The following SCG3 variants were observed in gnomAD, a reference collection of about 807,000 sequenced individuals.
SCG3 encodes the protein secretogranin-3.
Under a neutral mutation model 56.2 loss-of-function variants are expected in SCG3, and 38 were observed. The observed-to-expected ratio is 0.68, with a 90% confidence interval of 0.52 to 0.89. The LOEUF (loss-of-function observed/expected upper bound fraction) is 0.89. SCG3 is among the 40% of genes least tolerant of loss of function. The pLI, the probability that SCG3 is intolerant of heterozygous loss-of-function variation, is 0.00. For synonymous variants in SCG3, 176 were observed against 184.2 expected, an observed-to-expected ratio of 0.96 and a Z score of 0.36; for missense variants, 524 against 540.7, an observed-to-expected ratio of 0.97 and a Z score of 0.31.
In SCG3 at chr15:51,701,818, A is replaced by G. The variant is rs115481793; in HGVS notation, c.1207+574A>G. ...CTGCTCAGGAGGCTGAGGTGGGAGG[A>G]TCTCTTGAGTTCAGGACGTGGAGGC... On this transcript the variant is annotated intron_variant, in intron 10 of 11. Transcript: ENST00000220478. 1.8e-3 allele frequency among the ~76,000 whole-genome samples: 279 copies of G among 152,140 alleles called. 1 individual carries two copies. The highest frequency in any genetic ancestry group is 6.7e-3 in the African/African-American group (276 of 41,494).
At chr15:51,718,149 G>A (rs561763283) in intron 11 of SCG3, among the ~76,000 whole-genome samples, 5 of 152,178 alleles carry the variant, frequency 3.3e-5, no homozygotes, top group South Asian at 4.1e-4. Flanking sequence ...AATCATGGAC[G>A]AAAACCTATA....
Position 51,683,103 on chromosome 15 carries a change from A to G in SCG3, c.160A>G (p.Ile54Val). Reference protein sequence around the residue: ...EQIAEAEEDKIKKTYPPENKP... With the variant: ...EQIAEAEEDKVKKTYPPENKP... ...GATTGCTGAAGCAGAAGAAGACAAG[A>G]TTAAAAAAACATATCCTCCAGGTAA... Residue 54 changes from isoleucine (I) to valine (V), a missense_variant, in exon 3 of 12, where the codon ATT (isoleucine) becomes GTT (valine). Physicochemically the swap from Ile to Val is conservative, Grantham distance 29 (BLOSUM62 3). Transcript: ENST00000220478. The G allele has an allele frequency of 6.2e-7, 1 of 1,610,622 alleles. No homozygotes were observed. Among genetic ancestry groups the G allele is most frequent in the Non-Finnish European group, 8.5e-7 (1 of 1,178,786 alleles).
chr15:51,710,705 G>T (rs1205484833), intron 10 of SCG3, among the ~76,000 whole-genome samples: 1 of 149,630 alleles, frequency 6.7e-6, no homozygotes, highest in East Asian at 2.0e-4. Context: ...TCCCACCTCA[G>T]CCTCCTAATA....
intron 10 of SCG3, among the ~76,000 whole-genome samples, chr15:51,708,857 T>TA (rs371874379): frequency 0.19 from 27,359 of 144,806 alleles, 2,772 homozygotes; most frequent in Non-Finnish European, 0.24. Flanking sequence ...AGACTCCATC[T>TA]AAAAAAAAAA....
In SCG3 at chr15:51,701,209, A is replaced by C. The variant is rs1429500399; in HGVS notation, c.1172A>C (p.Asn391Thr). ...GSLKDSTKDD[N>T]SNPGGKTDEP... ...TTGAAGGATTCCACAAAAGATGATA[A>C]CTCCAACCCAGGAGGAAAGACAGAT... The change falls in exon 10 of 12, where the codon AAC becomes ACC. Residue 391 changes from asparagine to threonine, a missense_variant. Asn to Thr is a moderately conservative substitution (Grantham distance 65). Coordinates refer to ENST00000220478, the MANE Select transcript of SCG3 (RefSeq NM_013243.4). 1 of 1,608,912 alleles carries C rather than the reference A, an allele frequency of 6.2e-7. No individual in the cohort carries two copies. Among genetic ancestry groups the C allele is most frequent in the African/African-American group, 1.3e-5 (1 of 74,418 alleles).
At chr15:51,700,094 C>T (rs1166336787) in intron 9 of SCG3, among the ~76,000 whole-genome samples, 1 of 152,278 alleles carries the variant, frequency 6.6e-6, no homozygotes, top group Non-Finnish European at 1.5e-5. Context: ...AAATTATATA[C>T]ATATTCTTGA....
Position 51,689,375 on chromosome 15 carries a change from A to T in SCG3, c.690+7A>T. On this transcript the variant is annotated splice_region_variant and intron_variant, in intron 6 of 11. Coordinates refer to ENST00000220478, the MANE Select transcript of SCG3 (RefSeq NM_013243.4). ...AAAAATACCAGAGAAAGTGGTATGT[A>T]TGTGTATATATGCATATGCATGGGG... The T allele has an allele frequency of 6.2e-7, 1 of 1,605,640 alleles. No homozygotes were observed. The highest frequency in any genetic ancestry group is 8.5e-7 in the Non-Finnish European group (1 of 1,175,894).
intron 10 of SCG3, among the ~76,000 whole-genome samples, chr15:51,711,458 T>C (rs537357900): frequency 3.3e-5 from 5 of 152,222 alleles, no homozygotes; most frequent in East Asian, 1.9e-4. Flanking sequence ...AACTACCTAA[T>C]GAGTGAATGA....
chr15:51,696,035 G>T (rs1188488621), intron 8 of SCG3, 44 bp downstream of exon 8: 10 of 1,134,020 alleles, frequency 8.8e-6, no homozygotes, highest in Non-Finnish European at 1.3e-5. Flanking sequence ...GGTTTTCATT[G>T]TTCAAAGTAA....
chr15:51,708,174 G>A (rs1202500313), intron 10 of SCG3: 2 of 152,052 alleles, frequency 1.3e-5, no homozygotes, highest in Non-Finnish European at 2.9e-5. Flanking sequence ...TCCAAAGGAA[G>A]CTGAAATAAA....
chr15:51,684,151 T>C (rs1419566549), intron 4 of SCG3, among the ~76,000 whole-genome samples: 1 of 152,178 alleles, frequency 6.6e-6, no homozygotes, highest in Non-Finnish European at 1.5e-5. Context: ...TTCCCTCACC[T>C]CTCAAATTCT....
chr15:51,712,199 G>A (rs1567223077), intron 10 of SCG3, among the ~76,000 whole-genome samples: 1 of 152,208 alleles, frequency 6.6e-6, no homozygotes, highest in Non-Finnish European at 1.5e-5. Flanking sequence ...CCCAGTACAT[G>A]ATAAGCACAC....
chr15:51,709,587 G>T (rs1290068962), intron 10 of SCG3, among the ~76,000 whole-genome samples: 1 of 131,276 alleles, frequency 7.6e-6, no homozygotes, highest in African/African-American at 2.9e-5. Context: ...TTTAGGTTTA[G>T]AATCCATTAA....
chr15:51,683,289 G>C lies in SCG3; in HGVS notation c.252G>C (p.Lys84Asn), dbSNP rs376968064. Residue 84 changes from lysine (K) to asparagine (N), a missense_variant, in exon 4 of 12, where the codon AAG (lysine) becomes AAC (asparagine). By Grantham distance (94) the Lys-to-Asn change is moderately conservative. Transcript: ENST00000220478. The stretch of plus-strand genomic sequence containing the variant: ...ACCTGCTAAAGGCAATAACAGAAAA[G>C]GAAAAAATTGAGAAAGAAAGACAAT... ...NLNLLKAITEKEKIEKERQSI... is the reference protein window; with the variant it reads ...NLNLLKAITENEKIEKERQSI... 27 of 1,613,584 alleles carry C rather than the reference G, an allele frequency of 1.7e-5. No homozygotes were observed. Among genetic ancestry groups the C allele is most frequent in the Non-Finnish European group, 2.2e-5 (26 of 1,179,810 alleles).
intron 10 of SCG3, among the ~76,000 whole-genome samples, chr15:51,706,953 AATT>A (rs780456338): frequency 2.2e-4 from 33 of 152,310 alleles, no homozygotes; most frequent in Non-Finnish European, 3.7e-4. Flanking sequence ...TATGCTAATA[AATT>A]ATAATTTATT....
intron 10 of SCG3, among the ~76,000 whole-genome samples, chr15:51,709,680 TATATATATATATATATATATA>T (rs1381598150): frequency 1.6e-3 from 20 of 12,756 alleles, no homozygotes; most frequent in Middle Eastern, 0.016. Flanking sequence ...TATATATATA[TATATATATATATATATATATA>T]TTTTTTTTTT....
At chr15:51,682,048 T>C (rs1338526332) in intron 1 of SCG3, among the ~76,000 whole-genome samples, 2 of 152,204 alleles carry the variant, frequency 1.3e-5, no homozygotes, top group African/African-American at 4.8e-5. Flanking sequence ...ATATGGGTTG[T>C]TTTTAAAGAT....
chr15:51,689,490 G>A (rs1168565389), intron 6 of SCG3, 122 bp downstream of exon 6: 2 of 1,241,842 alleles, frequency 1.6e-6, no homozygotes, highest in Admixed American at 2.7e-5. Flanking sequence ...GAGGTATGTG[G>A]CATTTTTAGC....
rs556477434 is a variant in SCG3 at position 51,719,850 on chromosome 15, C to T, written c.*324C>T. On this transcript the variant is annotated 3_prime_UTR_variant, in exon 12 of 12. Transcript: ENST00000220478. Reference sequence around the variant, plus strand: ...CTCATCCTTCTTCCACTGTCTCATCCACATAAGCACTCCCCGAAGAATTAA... The same window carrying T: ...CTCATCCTTCTTCCACTGTCTCATCTACATAAGCACTCCCCGAAGAATTAA... 10 of 222,216 alleles carry T rather than the reference C, an allele frequency of 4.5e-5. No homozygotes were observed. The highest frequency in any genetic ancestry group is 8.8e-5 in the Non-Finnish European group (10 of 113,634). 13.8% of individuals were successfully genotyped at this position (222,216 alleles called of 1,614,324 possible). A position where few individuals can be genotyped will look rare whatever the true frequency, so the allele number is the denominator to read the frequency against.
Sources: gnomAD v4.1 joint callset for allele counts (sites outside exome capture counted in the v4.1 genomes callset) on GRCh38, gnomAD v4.1.1 for gene constraint, MANE v1.5 for transcripts, NCBI Gene and HGNC (gene_info 2026-07-23, HGNC 2026-07-21) for gene names.